KTN1: variants seen among roughly 807,000 people sequenced by gnomAD.
KTN1 encodes the protein kinectin.
Under a neutral mutation model 222.5 loss-of-function variants are expected in KTN1, and 130 were observed. The observed-to-expected ratio is 0.58, with a 90% CI of 0.51 to 0.68. The LOEUF is 0.68. Ranked by LOEUF, KTN1 falls within the 30% of genes least tolerant of loss-of-function variation. The probability of loss-of-function intolerance (pLI) is 0.00; values close to 1 mark genes in which losing one functional copy is unlikely to be tolerated. For synonymous variants in KTN1, 512 were observed against 496.3 expected (o/e 1.03, Z -0.42); for missense variants, 1,508 against 1,500.4 (o/e 1.01, Z -0.08).
chr14:55,672,723 C>T (rs1279300544), intron 38 of KTN1, 22 bp downstream of exon 38: 4 of 1,473,028 alleles, frequency 2.7e-6, no homozygotes, highest in African/African-American at 1.4e-5. Flanking sequence ...GATTGTTTTA[C>T]TTGTAACCTA....
chr14:55,623,244 A>G (rs2039384650), intron 5 of KTN1, among the ~76,000 whole-genome samples: 2 of 152,384 alleles, frequency 1.3e-5, no homozygotes, highest in African/African-American at 2.4e-5. Flanking sequence ...CAATTTTACA[A>G]TGTAGTATGC....
At chr14:55,595,201 C>T (rs112374071) in intron 1 of KTN1, among the ~76,000 whole-genome samples, 1 of 152,116 alleles carries the variant, frequency 6.6e-6, no homozygotes, top group Admixed American at 6.5e-5. Flanking sequence ...GAAATAATTA[C>T]GTTGAATAAA....
intron 41 of KTN1, among the ~76,000 whole-genome samples, chr14:55,676,270 G>T (rs2045883048): frequency 6.6e-6 from 1 of 151,822 alleles, no homozygotes; most frequent in Non-Finnish European, 1.5e-5. Context: ...TTGGTCTTTT[G>T]GATAAAACAA....
At chr14:55,634,446 AAACT>A (rs139496974) in intron 8 of KTN1, 76 bp from the exon 9 acceptor site, 360,091 of 1,350,046 alleles carry the variant, frequency 0.27, 48,342 homozygotes, top group Middle Eastern at 0.33. Context: ...CAGCTCAGCA[AAACT>A]AACAAAGTAT....
chr14:55,634,914 A>C (rs2040945760), intron 9 of KTN1, among the ~76,000 whole-genome samples: 1 of 152,030 alleles, frequency 6.6e-6, no homozygotes, highest in African/African-American at 2.4e-5. Context: ...CTCCCTTATA[A>C]AACCATTAGA....
intron 8 of KTN1, 32 bp from the exon 9 acceptor site, chr14:55,634,494 C>T (rs34111199): frequency 0.27 from 424,552 of 1,554,726 alleles, 58,827 homozygotes; most frequent in Middle Eastern, 0.34. Context: ...TTTGTAATAA[C>T]GGAAGGCTCC....
At chr14:55,680,654 T>G in intron 43 of KTN1, 1 of 1,324,316 alleles carries the variant, frequency 7.6e-7, no homozygotes, top group Non-Finnish European at 1.0e-6. Context: ...ACTTCCATTT[T>G]GATCTTACAG....
chr14:55,613,230 C>T (rs1177931791), intron 2 of KTN1, among the ~76,000 whole-genome samples: 1 of 151,994 alleles, frequency 6.6e-6, no homozygotes, highest in East Asian at 1.9e-4. Flanking sequence ...TATGTCTAAA[C>T]CAGTGTAGGA....
At chr14:55,666,782 C>T (rs1205613905) in intron 33 of KTN1, among the ~76,000 whole-genome samples, 2 of 151,838 alleles carry the variant, frequency 1.3e-5, no homozygotes, top group African/African-American at 4.8e-5. Flanking sequence ...AGAGAGTTAC[C>T]ATTTTAATGC....
chr14:55,629,405 G>A (rs2040246440), intron 6 of KTN1, among the ~76,000 whole-genome samples: 2 of 129,648 alleles, frequency 1.5e-5, no homozygotes, highest in Admixed American at 8.5e-5. Flanking sequence ...GCGATGGAGT[G>A]AGACTCCGTC....
intron 2 of KTN1, among the ~76,000 whole-genome samples, chr14:55,612,864 G>A (rs778466932): frequency 3.3e-5 from 5 of 150,816 alleles, no homozygotes; most frequent in Non-Finnish European, 7.4e-5. Context: ...ACCAGCCTGG[G>A]CAACAAAGTG....
intron 43 of KTN1, chr14:55,679,888 A>G: frequency 1.8e-6 from 1 of 559,626 alleles, no homozygotes; most frequent in South Asian, 2.4e-5. Flanking sequence ...TGGAGGGGTT[A>G]TCTGTGCCTC....
intron 18 of KTN1, among the ~76,000 whole-genome samples, chr14:55,641,983 G>A (rs1405250495): frequency 2.6e-5 from 4 of 152,126 alleles, no homozygotes; most frequent in Admixed American, 2.6e-4. Context: ...AAATAAAAAT[G>A]TGTAATAGGA....
intron 34 of KTN1, chr14:55,668,836 G>C (rs2045151100): frequency 6.6e-6 from 1 of 152,168 alleles, no homozygotes; most frequent in Non-Finnish European, 1.5e-5. Flanking sequence ...TCTATTTGTA[G>C]TCTGAGTTAA....
intron 1 of KTN1, among the ~76,000 whole-genome samples, chr14:55,580,739 A>AGCCTGAGG (rs2140262875): frequency 6.6e-6 from 1 of 152,208 alleles, no homozygotes; most frequent in East Asian, 2.0e-4. Flanking sequence ...TTTTTAGCCA[A>AGCCTGAGG]GCCTGAGGGC....
At chr14:55,651,233 A>C (rs1173951105) in intron 24 of KTN1, 1 of 455,664 alleles carries the variant, frequency 2.2e-6, no homozygotes, top group East Asian at 6.9e-5. Flanking sequence ...GTGATTGGAG[A>C]TAATGTGTTG....
intron 16 of KTN1, 77 bp downstream of exon 16, chr14:55,641,047 A>T: frequency 6.8e-7 from 1 of 1,476,584 alleles, no homozygotes; most frequent in Non-Finnish European, 9.4e-7. Context: ...ATTGCTGCTT[A>T]TAACTGATAG....
intron 18 of KTN1, among the ~76,000 whole-genome samples, chr14:55,643,162 G>T (rs1282298581): frequency 1.3e-5 from 2 of 152,010 alleles, no homozygotes. Context: ...TGCCTGCCTC[G>T]GCCTCCCAAA....
At chr14:55,637,511 C>T (rs1441322268) in intron 11 of KTN1, 147 bp downstream of exon 11, 2 of 690,340 alleles carry the variant, frequency 2.9e-6, no homozygotes, top group African/African-American at 1.8e-5. Context: ...GCACTTGTCA[C>T]AATATGGTGT....
Sources: allele counts gnomAD v4.1 joint callset (sites outside exome capture counted in the v4.1 genomes callset), GRCh38; gene constraint gnomAD v4.1.1; transcripts MANE v1.5; gene names NCBI Gene and HGNC (gene_info 2026-07-23, HGNC 2026-07-21).